Variants in SLC9C1 observed in about 807,000 individuals in gnomAD.
The protein encoded by SLC9C1 is solute carrier family 9 member C1, also known as sodium/hydrogen exchanger 10.
In SLC9C1, 97 loss-of-function variants were observed where a neutral mutation model predicts 140.9. The observed-to-expected ratio is 0.69, with a 90% CI of 0.58 to 0.82. The LOEUF (loss-of-function observed/expected upper bound fraction) is 0.82, where lower values mean the gene tolerates loss of function less well. Among genes scored for constraint, SLC9C1 ranks in the 40% least tolerant of loss-of-function variants. The pLI, the probability that SLC9C1 is intolerant of heterozygous loss-of-function variation, is 0.00. For synonymous variants in SLC9C1, 440 were observed against 442.6 expected (o/e 0.99, Z 0.07); for missense variants, 1,340 against 1,389.3 (o/e 0.96, Z 0.56).
At chr3:112,214,753 G>T (rs1223746237) in intron 15 of SLC9C1, among the ~76,000 whole-genome samples, 1 of 152,166 alleles carries the variant, frequency 6.6e-6, no homozygotes, top group Non-Finnish European at 1.5e-5. Context: ...GGACCAGATG[G>T]ATTCACAGCC....
At chr3:112,171,718 T>C (rs547398954) in intron 23 of SLC9C1, among the ~76,000 whole-genome samples, 1 of 152,352 alleles carries the variant, frequency 6.6e-6, no homozygotes, top group South Asian at 2.1e-4. Context: ...TTCTCCTATG[T>C]TTTCTTCTAT....
intron 27 of SLC9C1, among the ~76,000 whole-genome samples, chr3:112,152,695 T>C (rs1308168775): frequency 3.3e-5 from 5 of 152,312 alleles, no homozygotes; most frequent in Middle Eastern, 3.4e-3. Flanking sequence ...TAGAGGTCTC[T>C]GCGGCTTTCC....
intron 20 of SLC9C1, among the ~76,000 whole-genome samples, chr3:112,193,560 G>A (rs1393676575): frequency 6.6e-6 from 1 of 152,168 alleles, no homozygotes; most frequent in Non-Finnish European, 1.5e-5. Context: ...GCTGGCTTAG[G>A]AATATGTCTG....
intron 15 of SLC9C1, among the ~76,000 whole-genome samples, chr3:112,216,206 C>G (rs2078362776): frequency 6.6e-6 from 1 of 152,148 alleles, no homozygotes; most frequent in Admixed American, 6.5e-5. Flanking sequence ...AAAATCAATT[C>G]AAGATGGATT....
At chr3:112,152,561 C>T (rs1197453103) in intron 27 of SLC9C1, among the ~76,000 whole-genome samples, 1 of 151,998 alleles carries the variant, frequency 6.6e-6, no homozygotes, top group Non-Finnish European at 1.5e-5. Context: ...CACTAATCCT[C>T]CTCAGCACAG....
In SLC9C1 at chr3:112,204,358, A is replaced by G. The variant is rs746656940; in HGVS notation, c.2032T>C (p.Phe678Leu). 60 of 1,574,286 alleles carry G rather than the reference A, an allele frequency of 3.8e-5. No individual in the cohort carries two copies. Among genetic ancestry groups the G allele is most frequent in the East Asian group, 4.8e-5 (2 of 41,738 alleles). ...KDFFSHAWNIFELAITLIGIL... is the reference protein window; with the variant it reads ...KDFFSHAWNILELAITLIGIL... The stretch of plus-strand genomic sequence containing the variant: ...CCAATTAATGTAATTGCTAACTCGA[A>G]TATGTTCCAGGCATGTGAAAAAAAG... The change falls in exon 17 of 29, where the codon TTC (phenylalanine) becomes CTC (leucine). Residue 678 changes from phenylalanine (F) to leucine (L), a missense_variant. Coordinates refer to ENST00000305815, the MANE Select transcript of SLC9C1 (RefSeq NM_183061.3).
chr3:112,204,045 G>A (rs1002784701), intron 17 of SLC9C1, among the ~76,000 whole-genome samples, 173 bp downstream of exon 17: 64 of 151,934 alleles, frequency 4.2e-4, no homozygotes, highest in African/African-American at 1.5e-3. Flanking sequence ...TAATTGGGAT[G>A]TTTGTAATAT....
intron 13 of SLC9C1, among the ~76,000 whole-genome samples, chr3:112,224,603 A>C (rs1006328562): frequency 3.2e-5 from 2 of 63,156 alleles, no homozygotes; most frequent in East Asian, 0.015. Context: ...TAGATATTAT[A>C]AAAAAATAAC....
chr3:112,175,707 T>C (rs1474480106), intron 23 of SLC9C1, among the ~76,000 whole-genome samples: 1 of 152,158 alleles, frequency 6.6e-6, no homozygotes, highest in Non-Finnish European at 1.5e-5. Context: ...GGGATGTGCA[T>C]GAATAAGAAG....
At chr3:112,229,098 C>T (rs185078729) in intron 13 of SLC9C1, among the ~76,000 whole-genome samples, 3 of 152,200 alleles carry the variant, frequency 2.0e-5, no homozygotes, top group African/African-American at 7.2e-5. Context: ...TGCTTGTTCT[C>T]ACTCATATAT....
chr3:112,230,404 GTTAACTTAGTCA>G (rs1038668888), intron 13 of SLC9C1, among the ~76,000 whole-genome samples: 1 of 152,132 alleles, frequency 6.6e-6, no homozygotes, highest in African/African-American at 2.4e-5. Flanking sequence ...CTACCTCTGT[GTTAACTTAGTCA>G]TTACTCTGTG....
chr3:112,238,541 T>C (rs2079055114), intron 12 of SLC9C1, among the ~76,000 whole-genome samples: 1 of 152,240 alleles, frequency 6.6e-6, no homozygotes, highest in South Asian at 2.1e-4. Flanking sequence ...CTCTGATTTT[T>C]AGAATTTTCA....
chr3:112,155,497 G>A (rs759072120), intron 26 of SLC9C1, among the ~76,000 whole-genome samples: 2 of 152,162 alleles, frequency 1.3e-5, no homozygotes, highest in Non-Finnish European at 2.9e-5. Flanking sequence ...GGCTATTGGA[G>A]CATGCAGGAG....
intron 15 of SLC9C1, among the ~76,000 whole-genome samples, chr3:112,215,640 A>G (rs1371270974): frequency 2.6e-5 from 4 of 152,156 alleles, no homozygotes; most frequent in Non-Finnish European, 4.4e-5. Flanking sequence ...TAGGAATCCA[A>G]CTTACAAGGG....
intron 7 of SLC9C1, among the ~76,000 whole-genome samples, chr3:112,266,546 T>A (rs1480712994): frequency 6.6e-6 from 1 of 152,140 alleles, no homozygotes; most frequent in Non-Finnish European, 1.5e-5. Context: ...CCAATTGTAT[T>A]ATAAAGCCTA....
chr3:112,207,797 T>C (rs962762377), intron 16 of SLC9C1, among the ~76,000 whole-genome samples: 1 of 152,182 alleles, frequency 6.6e-6, no homozygotes, highest in Non-Finnish European at 1.5e-5. Flanking sequence ...CTGTTCCCAT[T>C]GTACTCTGTG....
intron 2 of SLC9C1, among the ~76,000 whole-genome samples, chr3:112,281,681 A>C (rs2080360773): frequency 6.6e-6 from 1 of 152,224 alleles, no homozygotes; most frequent in African/African-American, 2.4e-5. Context: ...TTATTTGATC[A>C]AGACGTTGAA....
intron 7 of SLC9C1, among the ~76,000 whole-genome samples, chr3:112,267,568 T>A (rs2079953764): frequency 1.6e-5 from 1 of 61,996 alleles, no homozygotes; most frequent in Non-Finnish European, 2.7e-5. Flanking sequence ...AGAGCAAGAC[T>A]CCGTCTCAAA....
In SLC9C1 at chr3:112,263,080, T is replaced by C. The variant is rs377397282; in HGVS notation, c.1041A>G (p.Leu347=). ...CAACTCGAGACAAAACAGGGCTTAT[T>C]AAAAGAAGGGTCAGAAATCTAAAAG... ...LIVLRFLTLL[L]ISPVLSRVGH... Residue 347 remains leucine, a synonymous_variant, in exon 10 of 29, where the codon TTA becomes TTG. Coordinates refer to ENST00000305815, the MANE Select transcript of SLC9C1 (RefSeq NM_183061.3). 1 of 1,568,398 alleles carries C rather than the reference T, an allele frequency of 6.4e-7. No individual in the cohort carries two copies. Among genetic ancestry groups the C allele is most frequent in the Non-Finnish European group, 8.6e-7 (1 of 1,164,670 alleles).
Sources: allele counts gnomAD v4.1 joint callset (sites outside exome capture counted in the v4.1 genomes callset), GRCh38; gene constraint gnomAD v4.1.1; transcripts MANE v1.5; gene names NCBI Gene and HGNC (gene_info 2026-07-23, HGNC 2026-07-21).